MTA3: variants seen among roughly 807,000 people sequenced by gnomAD.
MTA3 encodes metastasis-associated protein MTA3.
MTA3 carries 34 observed loss-of-function variants against 83.5 expected under a neutral mutation model. The observed-to-expected ratio is 0.41, with a 90% CI of 0.31 to 0.54. The LOEUF (loss-of-function observed/expected upper bound fraction) is 0.54. Ranked by LOEUF, MTA3 falls within the 20% of genes least tolerant of loss-of-function variation. The pLI is 0.33. For missense variants in MTA3, 761 were observed against 726.4 expected (o/e 1.05, Z -0.55); for synonymous variants, 303 against 252.7 (o/e 1.20, Z -1.89).
chr2:42,712,188 A>G (rs973179363), intron 14 of MTA3, among the ~76,000 whole-genome samples: 6 of 152,198 alleles, frequency 3.9e-5, no homozygotes, highest in African/African-American at 1.4e-4. Flanking sequence ...GTCTTTGCAG[A>G]TTCATAAAAT....
At chr2:42,593,760 G>C (rs4952881) in intron 3 of MTA3, among the ~76,000 whole-genome samples, 53,010 of 151,730 alleles carry the variant, frequency 0.35, 9,493 homozygotes, top group Middle Eastern at 0.49. Context: ...AATGGAACCT[G>C]TGAATAGCCA....
chr2:42,510,022 C>A (rs1039210151), intron 2 of MTA3, among the ~76,000 whole-genome samples: 2 of 151,990 alleles, frequency 1.3e-5, no homozygotes, highest in Admixed American at 6.6e-5. Flanking sequence ...CTGCCAGCTT[C>A]CCGTGTTTAA....
In MTA3 at chr2:42,651,786, C is replaced by G. The variant is rs150613078; in HGVS notation, c.500-4414C>G. ...CTGTACTCCAGCCTGGGTGACAGAGCGAGACCTTGTCTCAAAAAAAAAAAA... is the reference window on the plus strand; with the variant it reads ...CTGTACTCCAGCCTGGGTGACAGAGGGAGACCTTGTCTCAAAAAAAAAAAA... On this transcript the variant is annotated intron_variant, in intron 6 of 16. Transcript: ENST00000405094. Among the ~76,000 whole-genome samples the G allele has an allele frequency of 8.5e-3, 1,231 of 144,778 alleles. 115 individuals carry two copies. The East Asian group carries it at 0.21, about 25-fold the overall frequency. 95.0% of individuals were successfully genotyped at this position (144,778 alleles called of 152,430 possible). A position where few individuals can be genotyped will look rare whatever the true frequency, so the allele number is the denominator to read the frequency against.
At chr2:42,621,446 G>A (rs1172637147) in intron 4 of MTA3, among the ~76,000 whole-genome samples, 2 of 152,206 alleles carry the variant, frequency 1.3e-5, no homozygotes, top group African/African-American at 2.4e-5. Flanking sequence ...ACCGGGTTGG[G>A]AGTAAGGTCA....
chr2:42,501,194 A>G (rs1028926030), intron 2 of MTA3, among the ~76,000 whole-genome samples: 2 of 152,148 alleles, frequency 1.3e-5, no homozygotes, highest in Non-Finnish European at 2.9e-5. Flanking sequence ...AGGGGTGGCA[A>G]ACTATGGGAA....
rs938974577 is a variant in MTA3 at position 42,753,287 on chromosome 2, T to C, written c.1760-87T>C. 2.2e-5 allele frequency: 34 copies of C among 1,543,870 alleles called. No individual in the cohort carries two copies. In the East Asian group the frequency reaches 8.3e-4, roughly 38 times the overall value. ...CCTCCTTTCCCTGAAGGTTGTGATG[T>C]TGGGAGGGGTGAGTCCATCCTCCCT... On this transcript the variant is annotated intron_variant, in intron 16 of 16. Transcript: ENST00000405094.
intron 3 of MTA3, among the ~76,000 whole-genome samples, chr2:42,583,573 G>A (rs959996484): frequency 1.3e-5 from 2 of 151,844 alleles, no homozygotes; most frequent in Non-Finnish European, 2.9e-5. Context: ...TTGCTCTATC[G>A]CTCAGGCTGG....
intron 8 of MTA3, among the ~76,000 whole-genome samples, chr2:42,667,570 T>TTATGTGTGTGTGTGTGTG (rs770325715): frequency 1.2e-4 from 18 of 145,052 alleles, no homozygotes; most frequent in African/African-American, 2.3e-4. Context: ...CATTTAAAAA[T>TTATGTGTGTGTGTGTGTG]TGTGTGTGTG....
At chr2:42,544,958 C>T (rs1160773968) in intron 2 of MTA3, among the ~76,000 whole-genome samples, 2 of 152,166 alleles carry the variant, frequency 1.3e-5, no homozygotes, top group Admixed American at 6.6e-5. Flanking sequence ...AATATCTGAC[C>T]TTAAACAGCC....
intron 6 of MTA3, among the ~76,000 whole-genome samples, chr2:42,649,644 T>C (rs1409194022): frequency 2.0e-5 from 3 of 152,146 alleles, no homozygotes; most frequent in Non-Finnish European, 4.4e-5. Flanking sequence ...AAAGAGCAAG[T>C]GGAAATTTTT....
chr2:42,624,210 A>G (rs1219129639), intron 4 of MTA3, among the ~76,000 whole-genome samples: 1 of 152,156 alleles, frequency 6.6e-6, no homozygotes, highest in Non-Finnish European at 1.5e-5. Context: ...TTTTATTTCA[A>G]TAAAACTGAA....
At chr2:42,540,834 CA>C (rs111470436) in intron 2 of MTA3, among the ~76,000 whole-genome samples, 47,838 of 132,856 alleles carry the variant, frequency 0.36, 7,728 homozygotes, top group South Asian at 0.42. Context: ...GACCCTGTCT[CA>C]AAAAAAAAAA....
chr2:42,597,164 G>A (rs1014859574), intron 3 of MTA3, among the ~76,000 whole-genome samples: 1 of 151,646 alleles, frequency 6.6e-6, no homozygotes, highest in African/African-American at 2.4e-5. Flanking sequence ...CGCCCACCTC[G>A]GCCTACCAAA....
intron 16 of MTA3, among the ~76,000 whole-genome samples, chr2:42,747,153 C>A (rs1243976557): frequency 1.3e-5 from 2 of 152,120 alleles, no homozygotes; most frequent in African/African-American, 4.8e-5. Flanking sequence ...TCACATGCCA[C>A]CATTCCCAGC....
chr2:42,616,242 T>C (rs886518539), intron 4 of MTA3, among the ~76,000 whole-genome samples: 1 of 152,100 alleles, frequency 6.6e-6, no homozygotes, highest in East Asian at 1.9e-4. Flanking sequence ...TTTGTATTTT[T>C]AGTTGAGACG....
intron 2 of MTA3, among the ~76,000 whole-genome samples, chr2:42,538,339 G>A (rs996193442): frequency 6.6e-6 from 1 of 152,134 alleles, no homozygotes; most frequent in Non-Finnish European, 1.5e-5. Context: ...ATAGCTATAT[G>A]GGTGTTCATT....
At chr2:42,544,573 C>T (rs532178402) in intron 2 of MTA3, among the ~76,000 whole-genome samples, 44 of 143,824 alleles carry the variant, frequency 3.1e-4, no homozygotes, top group Non-Finnish European at 5.6e-4. Flanking sequence ...GGATCTTGCT[C>T]TGTCACTCAG....
At chr2:42,699,692 A>G (rs563471798) in intron 11 of MTA3, among the ~76,000 whole-genome samples, 42 of 152,134 alleles carry the variant, frequency 2.8e-4, no homozygotes, top group Admixed American at 5.9e-4. Flanking sequence ...GTGGGTTGTC[A>G]TGCTATTTGT....
chr2:42,549,143 A>G (rs1479737837), intron 2 of MTA3, among the ~76,000 whole-genome samples: 1 of 139,478 alleles, frequency 7.2e-6, no homozygotes, highest in African/African-American at 2.6e-5. Flanking sequence ...ATTGCACTCC[A>G]GCCTGGGCAA....
Sources: gnomAD v4.1 joint callset for allele counts (sites outside exome capture counted in the v4.1 genomes callset) on GRCh38, gnomAD v4.1.1 for gene constraint, MANE v1.5 for transcripts, NCBI Gene and HGNC (gene_info 2026-07-23, HGNC 2026-07-21) for gene names.